Variants in NIPSNAP1 observed in about 807,000 individuals in gnomAD.
NIPSNAP1 encodes the protein protein NipSnap homolog 1.
In NIPSNAP1, 25 loss-of-function variants were observed where a neutral mutation model predicts 49.2. That is an observed-to-expected ratio of 0.51 (90% CI 0.37 to 0.71). The LOEUF (loss-of-function observed/expected upper bound fraction) is 0.71, where lower values mean the gene tolerates loss of function less well. Ranked by LOEUF, NIPSNAP1 falls within the 30% of genes least tolerant of loss-of-function variation. The pLI, the probability that NIPSNAP1 is intolerant of heterozygous loss-of-function variation, is 0.00. For missense variants in NIPSNAP1, 294 were observed against 361.0 expected, an observed-to-expected ratio of 0.81 and a Z score of 1.50; for synonymous variants, 143 against 140.7, an observed-to-expected ratio of 1.02 and a Z score of -0.12.
In NIPSNAP1 at chr22:29,569,180, G is replaced by GT; in HGVS notation, c.367+12dup. On this transcript the variant is annotated intron_variant, in intron 4 of 9. Transcript: ENST00000216121. ...GGGCAGTGGCAATGGCACTAGGGAG[G>GT]TGAGCGCCTTACCTGCCTGGTCCTG... 6.2e-7 allele frequency: 1 copy of GT among 1,612,224 alleles called. No individual in the cohort carries two copies.
At chr22:29,575,745 C>T (rs372303008) in intron 1 of NIPSNAP1, among the ~76,000 whole-genome samples, 6 of 149,652 alleles carry the variant, frequency 4.0e-5, no homozygotes, top group East Asian at 2.1e-4. Flanking sequence ...GATGGAGTCT[C>T]AGTCTGTCGT....
intron 1 of NIPSNAP1, 43 bp downstream of exon 1, chr22:29,580,941 AC>A: frequency 6.9e-7 from 1 of 1,449,144 alleles, no homozygotes; most frequent in Non-Finnish European, 9.1e-7. Context: ...CCGCGCCTGC[AC>A]CCCACCCCGC....
chr22:29,569,151 G>A, intron 4 of NIPSNAP1, 42 bp downstream of exon 4: 1 of 1,541,040 alleles, frequency 6.5e-7, no homozygotes, highest in African/African-American at 1.4e-5. Context: ...TGGAGGCCAG[G>A]GCTGGGCAGT....
rs2064276913 is a variant in NIPSNAP1, at chr22:29,554,910, GGTCACTGAGGAGACCCCCAGA to G, written c.*1004_*1024del. The G allele has an allele frequency of 1.3e-5, 2 of 152,760 alleles. No homozygotes were observed. The highest frequency in any genetic ancestry group is 4.8e-5 in the African/African-American group (2 of 41,564). 9.5% of individuals were successfully genotyped at this position (152,760 alleles called of 1,614,324 possible). A position where few individuals can be genotyped will look rare whatever the true frequency, so the allele number is the denominator to read the frequency against. On this transcript the variant is annotated 3_prime_UTR_variant, in exon 10 of 10. Coordinates refer to ENST00000216121, the MANE Select transcript of NIPSNAP1 (RefSeq NM_003634.4). ...CCAAGGGTTCATGATGAGGTATGGG[GGTCACTGAGGAGACCCCCAGA>G]GTCACTGACCCCTCCCGCCACCTCC... is the stretch of plus-strand genomic sequence containing the variant.
At chr22:29,573,872 T>G (rs695399) in intron 1 of NIPSNAP1, among the ~76,000 whole-genome samples, 71,740 of 148,778 alleles carry the variant, frequency 0.48, 17,247 homozygotes, top group East Asian at 0.76. Flanking sequence ...CCAGGAGGCG[T>G]AGGTTGCAGC....
chr22:29,580,878 C>T, intron 1 of NIPSNAP1, 107 bp downstream of exon 1: 1 of 920,558 alleles, frequency 1.1e-6, no homozygotes. Flanking sequence ...CTCTAACCCC[C>T]AGATTCCAAG....
intron 9 of NIPSNAP1, among the ~76,000 whole-genome samples, chr22:29,558,625 G>A (rs369786103): frequency 1.3e-5 from 2 of 152,106 alleles, no homozygotes; most frequent in Non-Finnish European, 1.5e-5. Flanking sequence ...CACAATGGGC[G>A]TTTGCTAATC....
In NIPSNAP1 at chr22:29,569,293, G is replaced by A; in HGVS notation, c.273-6C>T. On this transcript the variant is annotated splice_polypyrimidine_tract_variant and splice_region_variant and intron_variant, in intron 3 of 9. Transcript: ENST00000216121. ...GCTTGGGCAGCACAGCCTCCCTGTGGGGGAGGTGCAGAGAGGGGCAGGGTT... is the reference window on the plus strand; with the variant it reads ...GCTTGGGCAGCACAGCCTCCCTGTGAGGGAGGTGCAGAGAGGGGCAGGGTT... 3 of 1,610,954 alleles carry A rather than the reference G, an allele frequency of 1.9e-6. No individual in the cohort carries two copies. The highest frequency in any genetic ancestry group is 1.3e-5 in the African/African-American group (1 of 74,972).
At chr22:29,560,898 G>A in intron 7 of NIPSNAP1, 70 bp from the exon 8 acceptor site, 1 of 1,431,846 alleles carries the variant, frequency 7.0e-7, no homozygotes, top group Non-Finnish European at 9.8e-7. Flanking sequence ...TGATTCCTTG[G>A]CCACACTTCA....
chr22:29,567,503 C>T (rs2064376044), intron 4 of NIPSNAP1, among the ~76,000 whole-genome samples: 1 of 152,234 alleles, frequency 6.6e-6, no homozygotes, highest in African/African-American at 2.4e-5. Flanking sequence ...TGACCCAGCC[C>T]GCGTGGAGGA....
intron 8 of NIPSNAP1, among the ~76,000 whole-genome samples, chr22:29,560,447 C>T (rs1031499858): frequency 1.3e-5 from 2 of 152,102 alleles, no homozygotes; most frequent in African/African-American, 4.8e-5. Flanking sequence ...GGGGTTTCAC[C>T]ATATTGGCCA....
intron 4 of NIPSNAP1, among the ~76,000 whole-genome samples, chr22:29,566,961 A>G (rs1161497248): frequency 6.6e-6 from 1 of 152,154 alleles, no homozygotes. Flanking sequence ...GTTTCTACTA[A>G]AAATACAAAA....
At chr22:29,574,261 CAAAAAAA>C (rs1158442759) in intron 1 of NIPSNAP1, among the ~76,000 whole-genome samples, 3 of 36,684 alleles carry the variant, frequency 8.2e-5, no homozygotes, top group Non-Finnish European at 9.7e-5. Flanking sequence ...TCCATCTTCA[CAAAAAAA>C]AAAAAAAAAA....
At chr22:29,577,890 G>A (rs889386768) in intron 1 of NIPSNAP1, among the ~76,000 whole-genome samples, 1 of 135,106 alleles carries the variant, frequency 7.4e-6, no homozygotes, top group Admixed American at 7.5e-5. Flanking sequence ...ACACCACCAT[G>A]CCTAATTTTT....
At chr22:29,577,359 TCTC>T (rs1471722567) in intron 1 of NIPSNAP1, among the ~76,000 whole-genome samples, 1 of 150,504 alleles carries the variant, frequency 6.6e-6, no homozygotes, top group Non-Finnish European at 1.5e-5. Flanking sequence ...TTCAAGGGAT[TCTC>T]CTGCCTCAGC....
chr22:29,559,223 C>T (rs1255751568), intron 8 of NIPSNAP1, among the ~76,000 whole-genome samples: 1 of 137,518 alleles, frequency 7.3e-6, no homozygotes, highest in African/African-American at 2.8e-5. Context: ...GACATCTCTA[C>T]TTTGGTGTGT....
chr22:29,580,903 C>T (rs1601500825), intron 1 of NIPSNAP1, 82 bp downstream of exon 1: 8 of 1,159,026 alleles, frequency 6.9e-6, no homozygotes, highest in Admixed American at 2.8e-5. Flanking sequence ...GAGTCTCAGC[C>T]CCTCCCCCAC....
At chr22:29,560,929 C>T in intron 7 of NIPSNAP1, 101 bp from the exon 8 acceptor site, 1 of 1,140,654 alleles carries the variant, frequency 8.8e-7, no homozygotes, top group Non-Finnish European at 1.3e-6. Flanking sequence ...CTAGGTGGAA[C>T]CCACGGTCCT....
intron 4 of NIPSNAP1, among the ~76,000 whole-genome samples, chr22:29,563,098 TAA>T (rs695281): frequency 1.4e-3 from 186 of 131,252 alleles, no homozygotes; most frequent in Non-Finnish European, 1.7e-3. Flanking sequence ...GACTCCATCT[TAA>T]AAAAAAAAAA....
Sources: gnomAD v4.1 joint callset for allele counts (sites outside exome capture counted in the v4.1 genomes callset) on GRCh38, gnomAD v4.1.1 for gene constraint, MANE v1.5 for transcripts, NCBI Gene and HGNC (gene_info 2026-07-23, HGNC 2026-07-21) for gene names.